The following CDIN1 variants were observed in gnomAD, a reference collection of about 807,000 sequenced individuals.
The protein encoded by CDIN1 is CDAN1-interacting nuclease 1.
CDIN1 carries 33 observed loss-of-function variants against 45.3 expected under a neutral mutation model. That is an observed-to-expected ratio of 0.73 (90% confidence interval 0.55 to 0.97). The LOEUF is 0.97. Ranked by LOEUF, CDIN1 falls within the 50% of genes least tolerant of loss-of-function variation. CDIN1 has a pLI of 0.00. For missense variants in CDIN1, 303 were observed against 339.4 expected, an observed-to-expected ratio of 0.89 and a Z score of 0.84; for synonymous variants, 118 against 124.4, an observed-to-expected ratio of 0.95 and a Z score of 0.34.
At chr15:36,644,191 G>A in intron 1 of CDIN1, 87 bp from the exon 2 acceptor site, 1 of 1,259,878 alleles carries the variant, frequency 7.9e-7, no homozygotes, top group Middle Eastern at 1.9e-4. Flanking sequence ...TTACAGGGCA[G>A]CAGGCCTACC....
chr15:36,707,135 A>G (rs914188580), intron 8 of CDIN1: 1 of 152,164 alleles, frequency 6.6e-6, no homozygotes, highest in Non-Finnish European at 1.5e-5. Flanking sequence ...TTAAAGGAAG[A>G]AGATACCCAA....
chr15:36,611,619 G>C (rs1307321048), intron 1 of CDIN1, among the ~76,000 whole-genome samples: 1 of 152,140 alleles, frequency 6.6e-6, no homozygotes, highest in Non-Finnish European at 1.5e-5. Context: ...AATTTTCTTA[G>C]TATTATCATT....
intron 5 of CDIN1, chr15:36,658,418 G>A (rs2040863045): frequency 6.6e-6 from 1 of 152,234 alleles, no homozygotes. Context: ...TATTTTCTCT[G>A]TGTCAACTGC....
intron 1 of CDIN1, among the ~76,000 whole-genome samples, chr15:36,639,469 G>A (rs1201839739): frequency 4.6e-5 from 7 of 152,100 alleles, no homozygotes; most frequent in Non-Finnish European, 1.0e-4. Flanking sequence ...GCCGGGCGTG[G>A]TGGCAGCTAT....
intron 5 of CDIN1, among the ~76,000 whole-genome samples, chr15:36,689,377 A>G (rs2042163505): frequency 6.6e-6 from 1 of 152,150 alleles, no homozygotes; most frequent in Non-Finnish European, 1.5e-5. Flanking sequence ...TAATTTTTAT[A>G]GGATAGCGTT....
In CDIN1 at chr15:36,616,019, A is replaced by G. The variant is rs547337313; in HGVS notation, c.102-28259A>G. On this transcript the variant is annotated intron_variant, in intron 1 of 10. Transcript: ENST00000566621. ...ACCAGTGGGAGAATATAGCAAGAGCATCGATGGGGGAAAATGGATGTGTGT... is the reference window on the plus strand; with the variant it reads ...ACCAGTGGGAGAATATAGCAAGAGCGTCGATGGGGGAAAATGGATGTGTGT... Among the ~76,000 whole-genome samples the G allele has an allele frequency of 2.0e-5, 3 of 152,332 alleles. No individual in the cohort carries two copies. The East Asian group carries it at 5.8e-4, about 29-fold the overall frequency.
At chr15:36,701,161 GATA>G (rs2042628780) in intron 8 of CDIN1, among the ~76,000 whole-genome samples, 1 of 149,448 alleles carries the variant, frequency 6.7e-6, no homozygotes, top group Admixed American at 6.7e-5. Flanking sequence ...TAGATAGATA[GATA>G]GATAGATAGA....
chr15:36,592,283 C>G (rs540494112), intron 1 of CDIN1, among the ~76,000 whole-genome samples: 5 of 152,146 alleles, frequency 3.3e-5, no homozygotes, highest in Non-Finnish European at 7.3e-5. Flanking sequence ...CTCTACAAAC[C>G]GCGACCTCAC....
At chr15:36,634,265 C>A (rs1485595864) in intron 1 of CDIN1, among the ~76,000 whole-genome samples, 1 of 151,900 alleles carries the variant, frequency 6.6e-6, no homozygotes, top group Non-Finnish European at 1.5e-5. Flanking sequence ...CCCGTCTCCA[C>A]TAAAAATACA....
rs916607340 is a variant in CDIN1 at position 36,592,852 on chromosome 15, T to C, written c.101+12891T>C. Among the ~76,000 whole-genome samples, 6 of 152,188 alleles carry C rather than the reference T, an allele frequency of 3.9e-5. 1 individual carries two copies. Among genetic ancestry groups the C allele is most frequent in the Non-Finnish European group, 8.8e-5 (6 of 68,038 alleles). On this transcript the variant is annotated intron_variant, in intron 1 of 10. Coordinates refer to ENST00000566621, the MANE Select transcript of CDIN1 (RefSeq NM_001321759.2). Reference sequence around the variant, plus strand: ...GCTAAGTTTAGGGACATTACAGTGATTCTTTCCTTTCTGTTGGAATTTAGA... The same window carrying C: ...GCTAAGTTTAGGGACATTACAGTGACTCTTTCCTTTCTGTTGGAATTTAGA...
chr15:36,618,555 A>G, intron 1 of CDIN1: 2 of 960,124 alleles, frequency 2.1e-6, no homozygotes, highest in Non-Finnish European at 3.4e-6. Context: ...CTGGAAGTTC[A>G]TCAAGAATCC....
At chr15:36,651,208 T>C (rs1434656646) in intron 3 of CDIN1, among the ~76,000 whole-genome samples, 1 of 152,194 alleles carries the variant, frequency 6.6e-6, no homozygotes, top group African/African-American at 2.4e-5. Context: ...ATGACATCTG[T>C]ATATCCCAGT....
chr15:36,756,148 A>G, intron 10 of CDIN1: 2 of 456,024 alleles, frequency 4.4e-6, no homozygotes, highest in South Asian at 3.1e-5. Context: ...TACAGTTTTA[A>G]AAAGGGAGTG....
intron 5 of CDIN1, among the ~76,000 whole-genome samples, chr15:36,679,652 A>T (rs2041781878): frequency 6.6e-6 from 1 of 152,218 alleles, no homozygotes; most frequent in African/African-American, 2.4e-5. Flanking sequence ...AAATAAAAAT[A>T]TTGGTCCTGT....
At chr15:36,759,740 G>T (rs11636526) in intron 10 of CDIN1, among the ~76,000 whole-genome samples, 15,238 of 152,176 alleles carry the variant, frequency 0.1, 899 homozygotes, top group Non-Finnish European at 0.14. Flanking sequence ...CATGACTGGG[G>T]AGGCTTCCAG....
chr15:36,780,027 A>G (rs1329700183), intron 10 of CDIN1, among the ~76,000 whole-genome samples: 5 of 152,158 alleles, frequency 3.3e-5, no homozygotes, highest in Non-Finnish European at 7.3e-5. Context: ...TAGAACTCCC[A>G]TAGTCATTTA....
Position 36,809,435 on chromosome 15 carries a change from A to C in CDIN1, c.*982A>C, listed in dbSNP as rs1566991798. 6.6e-6 allele frequency: 1 copy of C among 152,294 alleles called. No homozygotes were observed. Among genetic ancestry groups the C allele is most frequent in the Non-Finnish European group, 1.5e-5 (1 of 68,102 alleles). 9.4% of individuals were successfully genotyped at this position (152,294 alleles called of 1,614,324 possible). ...CTTTGTATGAACTGAGTGTGCCAGA[A>C]ATAAACCTGGAGCAATTTTTAAATA... is the stretch of plus-strand genomic sequence containing the variant. On this transcript the variant is annotated 3_prime_UTR_variant, in exon 11 of 11. Coordinates refer to ENST00000566621, the MANE Select transcript of CDIN1 (RefSeq NM_001321759.2).
intron 1 of CDIN1, among the ~76,000 whole-genome samples, chr15:36,638,072 C>T (rs1458825625): frequency 6.6e-6 from 1 of 151,942 alleles, no homozygotes; most frequent in Non-Finnish European, 1.5e-5. Flanking sequence ...TGCATTTGTT[C>T]CACGTGGGTT....
At chr15:36,743,628 A>C (rs1258882230) in intron 10 of CDIN1, among the ~76,000 whole-genome samples, 4 of 152,138 alleles carry the variant, frequency 2.6e-5, no homozygotes, top group Non-Finnish European at 4.4e-5. Flanking sequence ...GCAGTGGCTC[A>C]CACCTGTAAT....
Sources: allele counts gnomAD v4.1 joint callset (sites outside exome capture counted in the v4.1 genomes callset), GRCh38; gene constraint gnomAD v4.1.1; transcripts MANE v1.5; gene names NCBI Gene and HGNC (gene_info 2026-07-23, HGNC 2026-07-21).